CERKL: variants seen among roughly 807,000 people sequenced by gnomAD.
CERKL encodes CERK like autophagy regulator.
CERKL carries 61 observed loss-of-function variants against 63.4 expected under a neutral mutation model. That is an observed-to-expected ratio of 0.96 (90% CI 0.78 to 1.19). The LOEUF is 1.19. CERKL is among the 50% of genes most tolerant of loss of function. The probability of loss-of-function intolerance (pLI) is 0.00; values close to 1 mark genes in which losing one functional copy is unlikely to be tolerated. For synonymous variants in CERKL, 250 were observed against 230.5 expected, an observed-to-expected ratio of 1.08 and a Z score of -0.77; for missense variants, 675 against 655.5, an observed-to-expected ratio of 1.03 and a Z score of -0.33.
At chr2:181,559,931 G>C (rs1408903251) in intron 4 of CERKL, among the ~76,000 whole-genome samples, 1 of 152,234 alleles carries the variant, frequency 6.6e-6, no homozygotes, top group East Asian at 1.9e-4. Flanking sequence ...TATGACCCAG[G>C]TCATGTTTGA....
chr2:181,553,581 AG>A lies in CERKL; in HGVS notation c.821-3874del, dbSNP rs1688082129. Among the ~76,000 whole-genome samples, 3 of 152,312 alleles carry A rather than the reference AG, an allele frequency of 2.0e-5. No individual in the cohort carries two copies. In the South Asian group the frequency reaches 6.2e-4, roughly 32 times the overall value. On this transcript the variant is annotated intron_variant, in intron 5 of 12. Transcript: ENST00000410087. ...GTTTGAAGTATGGTGGGTATGCCCAAGTACAAAATTTTTTTAGAATGCTAGA... is the reference window on the plus strand; with the variant it reads ...GTTTGAAGTATGGTGGGTATGCCCAATACAAAATTTTTTTAGAATGCTAGA...
At position 181,656,816 on chromosome 2, in the gene CERKL, C is replaced by T. The variant is rs61760902; in HGVS notation, c.191G>A (p.Ser64Asn). ...IGRDSCDVVLSERALRWRPIQ... is the reference protein window; with the variant it reads ...IGRDSCDVVLNERALRWRPIQ... ...GGGCCGCCACCGCAGTGCTCGCTCGCTCAGCACCACGTCACAACTGTCCCT... is the reference window on the plus strand; with the variant it reads ...GGGCCGCCACCGCAGTGCTCGCTCGTTCAGCACCACGTCACAACTGTCCCT... The change falls in exon 1 of 13, where the codon AGC (serine) becomes AAC (asparagine). Residue 64 changes from serine to asparagine, a missense_variant. By Grantham distance (46) the Ser-to-Asn change is conservative. Coordinates refer to ENST00000410087, the MANE Select transcript of CERKL (RefSeq NM_201548.5). 2.9e-4 allele frequency: 468 copies of T among 1,598,104 alleles called. No homozygotes were observed. The highest frequency in any genetic ancestry group is 3.8e-4 in the Non-Finnish European group (446 of 1,169,690).
intron 1 of CERKL, among the ~76,000 whole-genome samples, chr2:181,607,257 C>T (rs1685758698): frequency 6.6e-6 from 1 of 152,086 alleles, no homozygotes; most frequent in Non-Finnish European, 1.5e-5. Flanking sequence ...GTCCCTGGAC[C>T]GCACTTTGAA....
At chr2:181,593,830 A>G (rs1420025343) in intron 2 of CERKL, among the ~76,000 whole-genome samples, 2 of 151,484 alleles carry the variant, frequency 1.3e-5, no homozygotes, top group East Asian at 3.9e-4. Context: ...AATACACAGC[A>G]TAGTCAGTTA....
chr2:181,582,516 C>CATATATAT (rs59483712), intron 2 of CERKL, among the ~76,000 whole-genome samples: 4 of 142,896 alleles, frequency 2.8e-5, no homozygotes, highest in African/African-American at 1.0e-4. Flanking sequence ...ATATTGTCAA[C>CATATATAT]ATATATATAT....
chr2:181,656,323 G>C (rs1688152536), intron 1 of CERKL, among the ~76,000 whole-genome samples: 2 of 152,214 alleles, frequency 1.3e-5, no homozygotes, highest in Admixed American at 1.3e-4. Context: ...CAGAACTCTT[G>C]TGTAGGCATA....
intron 1 of CERKL, among the ~76,000 whole-genome samples, chr2:181,614,996 T>G (rs748331108): frequency 6.6e-6 from 1 of 152,214 alleles, no homozygotes; most frequent in African/African-American, 2.4e-5. Context: ...GGTTTATTAT[T>G]TGAAATCTAC....
At chr2:181,655,819 C>T (rs1454979552) in intron 1 of CERKL, among the ~76,000 whole-genome samples, 3 of 152,196 alleles carry the variant, frequency 2.0e-5, no homozygotes, top group Non-Finnish European at 4.4e-5. Context: ...GTCATCTCCT[C>T]GCAAGTAGAG....
In CERKL at chr2:181,632,560, T is replaced by C. The variant is rs147952154; in HGVS notation, c.238+24209A>G. On this transcript the variant is annotated intron_variant, in intron 1 of 12. Transcript: ENST00000410087. The stretch of plus-strand genomic sequence containing the variant: ...GTTCAGGGTGTCATACCAAGCACCA[T>C]ACAAAGTTAATGGGAATATTTCTAT... 3.1e-3 allele frequency among the ~76,000 whole-genome samples: 472 copies of C among 152,308 alleles called. 4 individuals carry two copies. The highest frequency in any genetic ancestry group is 0.011 in the African/African-American group (447 of 41,580).
At position 181,625,622 on chromosome 2, in the gene CERKL, G is replaced by A. The variant is rs561056040; in HGVS notation, c.239-21543C>T. Among the ~76,000 whole-genome samples, 358 of 152,234 alleles carry A rather than the reference G, an allele frequency of 2.4e-3. 1 individual carries two copies. The highest frequency in any genetic ancestry group is 2.7e-3 in the Non-Finnish European group (181 of 68,008). On this transcript the variant is annotated intron_variant, in intron 1 of 12. Transcript: ENST00000410087. ...AAACAAATATTGAGAAAATGGCATC[G>A]TGTTCTCAGAAAGGACACTGGTGTA...
At chr2:181,603,408 CTA>C (rs1685537309) in intron 2 of CERKL, among the ~76,000 whole-genome samples, 1 of 152,172 alleles carries the variant, frequency 6.6e-6, no homozygotes, top group African/African-American at 2.4e-5. Context: ...CTAACTCATT[CTA>C]TGAGGCCAGT....
At chr2:181,619,358 A>T (rs1686350636) in intron 1 of CERKL, among the ~76,000 whole-genome samples, 1 of 151,870 alleles carries the variant, frequency 6.6e-6, no homozygotes, top group East Asian at 1.9e-4. Flanking sequence ...GTTCAGCTAC[A>T]CAGATCAGTT....
intron 1 of CERKL, among the ~76,000 whole-genome samples, chr2:181,632,793 C>G (rs950619721): frequency 2.0e-5 from 3 of 152,104 alleles, no homozygotes; most frequent in Admixed American, 6.6e-5. Flanking sequence ...TGGGGACAGA[C>G]AGATGGGAAG....
At chr2:181,572,221 G>C (rs1688933412) in intron 3 of CERKL, among the ~76,000 whole-genome samples, 1 of 151,008 alleles carries the variant, frequency 6.6e-6, no homozygotes, top group African/African-American at 2.4e-5. Context: ...TGCTTTTCTT[G>C]AATCTTCCGA....
intron 1 of CERKL, among the ~76,000 whole-genome samples, chr2:181,618,353 T>C (rs909051826): frequency 1.3e-5 from 2 of 152,080 alleles, no homozygotes; most frequent in Non-Finnish European, 2.9e-5. Context: ...TGGAAAATAG[T>C]TATTTTTAAT....
intron 1 of CERKL, among the ~76,000 whole-genome samples, chr2:181,655,064 T>C (rs919258183): frequency 1.4e-4 from 21 of 152,196 alleles, no homozygotes; most frequent in African/African-American, 5.1e-4. Flanking sequence ...TACCAGGTAT[T>C]AATTACAAAG....
At chr2:181,578,277 T>C (rs1293076213) in intron 2 of CERKL, among the ~76,000 whole-genome samples, 5 of 151,984 alleles carry the variant, frequency 3.3e-5, no homozygotes, top group Non-Finnish European at 7.4e-5. Context: ...TGTGTATGTG[T>C]GTAGACAGAG....
chr2:181,581,140 T>A (rs1018105025), intron 2 of CERKL, among the ~76,000 whole-genome samples: 2 of 152,274 alleles, frequency 1.3e-5, no homozygotes, highest in Middle Eastern at 3.4e-3. Flanking sequence ...AGCATCTTCA[T>A]TTTTTTCATT....
chr2:181,651,892 A>G (rs146388290), intron 1 of CERKL, among the ~76,000 whole-genome samples: 1 of 133,696 alleles, frequency 7.5e-6, no homozygotes, highest in East Asian at 2.4e-4. Context: ...CAAGAAAACA[A>G]TTCCATTTAT....
Sources: gnomAD v4.1 joint callset for allele counts (sites outside exome capture counted in the v4.1 genomes callset) on GRCh38, gnomAD v4.1.1 for gene constraint, MANE v1.5 for transcripts, NCBI Gene and HGNC (gene_info 2026-07-23, HGNC 2026-07-21) for gene names.